The following VTI1A variants were observed in gnomAD, a reference collection of about 807,000 sequenced individuals.
VTI1A encodes the protein vesicle transport through interaction with t-SNAREs homolog 1A.
In VTI1A, 22 loss-of-function variants were observed where a neutral mutation model predicts 34.9. The observed-to-expected ratio is 0.63, with a 90% confidence interval of 0.45 to 0.90. VTI1A has a LOEUF of 0.90. Among genes scored for constraint, VTI1A ranks in the 40% least tolerant of loss-of-function variants. The pLI is 0.00. For synonymous variants in VTI1A, 87 were observed against 97.3 expected, an observed-to-expected ratio of 0.89 and a Z score of 0.62; for missense variants, 268 against 275.6, an observed-to-expected ratio of 0.97 and a Z score of 0.20.
chr10:112,451,523 GTGATTAGGGCCTTTTGGATA>G (rs1847238334), intron 1 of VTI1A, among the ~76,000 whole-genome samples: 1 of 152,214 alleles, frequency 6.6e-6, no homozygotes, highest in Admixed American at 6.5e-5. Flanking sequence ...AAGGAGGTAA[GTGATTAGGGCCTTTTGGATA>G]TGAATTTGGA....
At chr10:112,568,366 G>A (rs775536145) in intron 5 of VTI1A, among the ~76,000 whole-genome samples, 16 of 152,074 alleles carry the variant, frequency 1.1e-4, no homozygotes, top group Admixed American at 2.6e-4. Context: ...AATTAGCTGG[G>A]CATGATGGTA....
intron 5 of VTI1A, among the ~76,000 whole-genome samples, chr10:112,607,962 C>G (rs1217915909): frequency 1.3e-5 from 2 of 152,152 alleles, no homozygotes; most frequent in East Asian, 3.9e-4. Flanking sequence ...GCCTTAGCAT[C>G]TTTTATAACC....
At chr10:112,673,929 T>C (rs184269643) in intron 7 of VTI1A, among the ~76,000 whole-genome samples, 1 of 149,352 alleles carries the variant, frequency 6.7e-6, no homozygotes, top group African/African-American at 2.5e-5. Flanking sequence ...TTAAGCTTTT[T>C]TTAAAAACTC....
the VTI1A span, among the ~76,000 whole-genome samples, chr10:112,850,789 T>A: frequency 6.6e-6 from 1 of 152,174 alleles, no homozygotes; most frequent in Non-Finnish European, 1.5e-5. Context: ...ACTTTGAAGA[T>A]AGCAACACCA....
chr10:112,574,740 CAG>C (rs1384447352), intron 5 of VTI1A, among the ~76,000 whole-genome samples: 1 of 152,200 alleles, frequency 6.6e-6, no homozygotes, highest in East Asian at 1.9e-4. Context: ...ATGGACATGA[CAG>C]AAGTAAATGA....
intron 5 of VTI1A, among the ~76,000 whole-genome samples, chr10:112,543,076 A>G (rs1234739808): frequency 1.3e-5 from 2 of 152,232 alleles, no homozygotes; most frequent in Non-Finnish European, 1.5e-5. Flanking sequence ...CCAGTCTATC[A>G]TTGATGAACA....
intron 5 of VTI1A, among the ~76,000 whole-genome samples, chr10:112,578,369 G>C (rs567458156): frequency 1.3e-5 from 2 of 152,162 alleles, no homozygotes; most frequent in Non-Finnish European, 2.9e-5. Context: ...GAAATCCACG[G>C]TTTCTGGTTG....
chr10:112,517,502 T>G (rs1849825912), intron 3 of VTI1A, among the ~76,000 whole-genome samples: 1 of 152,038 alleles, frequency 6.6e-6, no homozygotes, highest in Non-Finnish European at 1.5e-5. Context: ...TCCCAACTCC[T>G]TACCTGTGAG....
chr10:112,455,153 C>T (rs1847392164), intron 1 of VTI1A, among the ~76,000 whole-genome samples: 3 of 84,300 alleles, frequency 3.6e-5, no homozygotes, highest in African/African-American at 9.4e-5. Context: ...CAGTTCCCTC[C>T]CCTTCCCTCC....
chr10:112,471,583 C>A (rs920501485), intron 3 of VTI1A, among the ~76,000 whole-genome samples: 1 of 151,932 alleles, frequency 6.6e-6, no homozygotes, highest in East Asian at 1.9e-4. Context: ...ACTAAGCACC[C>A]GTTTTAATGT....
chr10:112,692,089 A>C (rs1848634503), intron 7 of VTI1A, among the ~76,000 whole-genome samples: 1 of 152,250 alleles, frequency 6.6e-6, no homozygotes, highest in Non-Finnish European at 1.5e-5. Context: ...GCTTTTCATT[A>C]GTCTTTTAAA....
intron 5 of VTI1A, among the ~76,000 whole-genome samples, chr10:112,617,859 A>G (rs1284519824): frequency 6.6e-6 from 1 of 152,204 alleles, no homozygotes; most frequent in Non-Finnish European, 1.5e-5. Flanking sequence ...AATATAATAA[A>G]AGATATACAA....
intron 5 of VTI1A, among the ~76,000 whole-genome samples, chr10:112,656,122 C>A (rs1303942208): frequency 6.6e-6 from 1 of 152,146 alleles, no homozygotes; most frequent in Non-Finnish European, 1.5e-5. Flanking sequence ...GCCATAGGTC[C>A]AGGATAGCAA....
downstream of VTI1A, among the ~76,000 whole-genome samples, chr10:112,821,417 G>A (rs965704189): frequency 5.9e-5 from 9 of 152,146 alleles, no homozygotes; most frequent in South Asian, 2.1e-4. Context: ...GTGCCACTTC[G>A]TTACCGCAAC....
intron 5 of VTI1A, among the ~76,000 whole-genome samples, chr10:112,653,540 A>C (rs1192292887): frequency 6.6e-6 from 1 of 152,222 alleles, no homozygotes; most frequent in Non-Finnish European, 1.5e-5. Context: ...ACCTTGGGCA[A>C]ATTACTTAAC....
At chr10:112,558,788 CAAAG>C (rs999069576) in intron 5 of VTI1A, among the ~76,000 whole-genome samples, 2 of 152,308 alleles carry the variant, frequency 1.3e-5, no homozygotes, top group South Asian at 2.1e-4. Context: ...AAGCAGGCAA[CAAAG>C]AAAGAGATGT....
At chr10:112,761,609 A>G (rs1851466217) in intron 7 of VTI1A, among the ~76,000 whole-genome samples, 1 of 152,234 alleles carries the variant, frequency 6.6e-6, no homozygotes. Flanking sequence ...TGTCAATGCA[A>G]TGTGTTACCT....
chr10:112,786,566 G>A (rs183066378), intron 7 of VTI1A, among the ~76,000 whole-genome samples: 3 of 152,204 alleles, frequency 2.0e-5, no homozygotes, highest in East Asian at 1.9e-4. Flanking sequence ...TATGATATTC[G>A]CTGTAAATTT....
intron 5 of VTI1A, among the ~76,000 whole-genome samples, chr10:112,657,192 A>G (rs1018451893): frequency 3.3e-5 from 5 of 152,214 alleles, no homozygotes; most frequent in Non-Finnish European, 7.3e-5. Context: ...ACAATCCTTT[A>G]GGTAAAAACT....
Sources: gnomAD v4.1 joint callset for allele counts (sites outside exome capture counted in the v4.1 genomes callset) on GRCh38, gnomAD v4.1.1 for gene constraint, MANE v1.5 for transcripts, NCBI Gene and HGNC (gene_info 2026-07-23, HGNC 2026-07-21) for gene names.